The following SOBP variants were observed in gnomAD, a reference collection of about 807,000 sequenced individuals.
SOBP encodes sine oculis binding protein homolog, also known as sine oculis-binding protein homolog.
Under a neutral mutation model 53.6 loss-of-function variants are expected in SOBP, and 4 were observed. That is an observed-to-expected ratio of 0.07 (90% CI 0.04 to 0.17). The LOEUF is 0.17. Ranked by LOEUF, SOBP falls within the 10% of genes least tolerant of loss-of-function variation. SOBP has a pLI of 1.00. For missense variants in SOBP, 1,088 were observed against 1,204.7 expected (o/e 0.90, Z 1.43); for synonymous variants, 584 against 522.6 (o/e 1.12, Z -1.60).
chr6:107,520,513 G>A (rs983568120), intron 3 of SOBP, among the ~76,000 whole-genome samples: 5 of 152,110 alleles, frequency 3.3e-5, no homozygotes, highest in Admixed American at 2.6e-4. Context: ...CTGTGATTCC[G>A]GAGGCAGCCC....
intron 4 of SOBP, among the ~76,000 whole-genome samples, chr6:107,545,781 T>A (rs964301901): frequency 3.9e-5 from 6 of 152,058 alleles, no homozygotes; most frequent in African/African-American, 1.4e-4. Flanking sequence ...CCAGATCTAG[T>A]AGCTCCTGAA....
chr6:107,580,830 C>T (rs548275089), intron 4 of SOBP, among the ~76,000 whole-genome samples: 1 of 152,152 alleles, frequency 6.6e-6, no homozygotes, highest in African/African-American at 2.4e-5. Flanking sequence ...AGAAGTGCAT[C>T]GAATAGTTGG....
In SOBP at chr6:107,660,122, C is replaced by T. The variant is rs1772235142; in HGVS notation, c.*1919C>T. ...CAGATTCATCAAACAAAAAATAAAT[C>T]TCGAAGAAAAAAAATGCACTTACAT... On this transcript the variant is annotated 3_prime_UTR_variant, in exon 7 of 7. Coordinates refer to ENST00000317357, the MANE Select transcript of SOBP (RefSeq NM_018013.4). 1 of 152,442 alleles carries T rather than the reference C, an allele frequency of 6.6e-6. No homozygotes were observed. The highest frequency in any genetic ancestry group is 1.5e-5 in the Non-Finnish European group (1 of 67,984). The allele number at this position is 152,442 out of a possible 1,614,324, so 9.4% of individuals were successfully genotyped here.
intron 5 of SOBP, among the ~76,000 whole-genome samples, chr6:107,603,540 A>G (rs1445912010): frequency 6.6e-6 from 1 of 152,196 alleles, no homozygotes; most frequent in Non-Finnish European, 1.5e-5. Context: ...ATATGAACTG[A>G]TGTTTACAGA....
intron 3 of SOBP, chr6:107,511,457 G>A (rs9486637): frequency 0.13 from 19,824 of 152,170 alleles, 2,040 homozygotes; most frequent in African/African-American, 0.26. Context: ...AGTTCTTGCC[G>A]TCATGAGGCG....
chr6:107,493,842 C>T (rs1408144751), intron 1 of SOBP, among the ~76,000 whole-genome samples: 1 of 152,182 alleles, frequency 6.6e-6, no homozygotes, highest in East Asian at 1.9e-4. Context: ...TGAAGAGTGT[C>T]TTCATGTGGC....
Position 107,568,011 on chromosome 6 carries a change from A to C in SOBP, c.574-19069A>C, listed in dbSNP as rs187711751. ...GTAACCTTGTTAAAAGGTACGTTTT[A>C]AGAACCTGGGACTTTATCCAAGTAT... On this transcript the variant is annotated intron_variant, in intron 4 of 6. Transcript: ENST00000317357. 1.6e-3 allele frequency among the ~76,000 whole-genome samples: 241 copies of C among 152,306 alleles called. 1 individual carries two copies. Among genetic ancestry groups the C allele is most frequent in the African/African-American group, 5.3e-3 (220 of 41,578 alleles).
At chr6:107,552,778 T>A (rs555441677) in intron 4 of SOBP, among the ~76,000 whole-genome samples, 77 of 152,192 alleles carry the variant, frequency 5.1e-4, no homozygotes, top group African/African-American at 1.7e-3. Flanking sequence ...CAGCCACTGA[T>A]CAGGGGTGGT....
intron 5 of SOBP, among the ~76,000 whole-genome samples, chr6:107,609,549 A>G (rs1332974412): frequency 1.3e-5 from 2 of 152,234 alleles, no homozygotes; most frequent in Non-Finnish European, 2.9e-5. Flanking sequence ...CTTTGTCTTA[A>G]GTCAACTCAT....
chr6:107,535,635 GTGTTTT>G (rs1047797297), intron 4 of SOBP, among the ~76,000 whole-genome samples: 2 of 141,650 alleles, frequency 1.4e-5, no homozygotes, highest in African/African-American at 2.7e-5. Context: ...GTGTGTGTGT[GTGTTTT>G]TTTTTTTTCC....
At chr6:107,656,950 A>G (rs770216496) in intron 6 of SOBP, among the ~76,000 whole-genome samples, 3 of 152,228 alleles carry the variant, frequency 2.0e-5, no homozygotes, top group Non-Finnish European at 4.4e-5. Context: ...AATTTTACCC[A>G]TTCACATTTC....
chr6:107,625,048 T>C (rs181578165), intron 5 of SOBP, among the ~76,000 whole-genome samples: 119 of 152,348 alleles, frequency 7.8e-4, no homozygotes, highest in African/African-American at 2.8e-3. Context: ...GAGCAAGTTA[T>C]TTAACCTATC....
chr6:107,621,412 G>T (rs546020485), intron 5 of SOBP, among the ~76,000 whole-genome samples: 5 of 152,156 alleles, frequency 3.3e-5, no homozygotes, highest in Non-Finnish European at 7.3e-5. Flanking sequence ...AGACAGAAAA[G>T]AACTAGGCAA....
chr6:107,650,680 G>A (rs1771766129), intron 6 of SOBP, among the ~76,000 whole-genome samples: 1 of 152,124 alleles, frequency 6.6e-6, no homozygotes, highest in African/African-American at 2.4e-5. Flanking sequence ...CCAACTGGCT[G>A]TTCCCCCATC....
intron 5 of SOBP, among the ~76,000 whole-genome samples, chr6:107,602,537 G>A (rs1466553213): frequency 1.5e-5 from 2 of 134,294 alleles, no homozygotes; most frequent in Non-Finnish European, 3.0e-5. Context: ...ATGCAGGAGC[G>A]CTAAGCCTCT....
chr6:107,634,548 C>T lies in SOBP; in HGVS notation c.1704C>T (p.Gly568=). 6.2e-7 allele frequency: 1 copy of T among 1,608,916 alleles called. No homozygotes were observed. The highest frequency in any genetic ancestry group is 8.5e-7 in the Non-Finnish European group (1 of 1,179,826). The change falls in exon 6 of 7, where the codon GGC becomes GGT. Residue 568 remains glycine, a synonymous_variant. Coordinates refer to ENST00000317357, the MANE Select transcript of SOBP (RefSeq NM_018013.4). The surrounding 1 kb of genome is among the most constrained non-coding windows in gnomAD (Gnocchi z 4.5). The part of the protein sequence containing the change: ...NGENFIPNAP[G]DSAAAGGKPS... ...AGAACTTCATTCCGAACGCCCCTGGCGACTCCGCGGCGGCGGGCGGCAAGC... is the reference window on the plus strand; with the variant it reads ...AGAACTTCATTCCGAACGCCCCTGGTGACTCCGCGGCGGCGGGCGGCAAGC...
chr6:107,613,977 T>C (rs1350887886), intron 5 of SOBP, among the ~76,000 whole-genome samples: 1 of 152,234 alleles, frequency 6.6e-6, no homozygotes, highest in Non-Finnish European at 1.5e-5. Flanking sequence ...CAAGCTCAGC[T>C]CTAGCAATCT....
chr6:107,578,890 C>G (rs769054768), intron 4 of SOBP, among the ~76,000 whole-genome samples: 1 of 152,150 alleles, frequency 6.6e-6, no homozygotes, highest in Non-Finnish European at 1.5e-5. Flanking sequence ...GAGTACAGCC[C>G]TTGCCTGTTT....
chr6:107,507,283 T>G (rs1018511389), intron 3 of SOBP, among the ~76,000 whole-genome samples: 7 of 152,040 alleles, frequency 4.6e-5, no homozygotes, highest in African/African-American at 1.7e-4. Context: ...TCTTAAAACA[T>G]CATGAGATTT....
Sources: gnomAD v4.1 joint callset for allele counts (sites outside exome capture counted in the v4.1 genomes callset) on GRCh38, gnomAD v4.1.1 for gene constraint, Gnocchi (gnomAD v3.1) non-coding constraint, MANE v1.5 for transcripts, NCBI Gene and HGNC (gene_info 2026-07-23, HGNC 2026-07-21) for gene names.